The following PTPRN2 variants were observed in gnomAD, a reference collection of about 807,000 sequenced individuals.
The protein encoded by PTPRN2 is protein tyrosine phosphatase receptor type N2.
A neutral mutation model predicts 118.8 loss-of-function variants in PTPRN2; 74 were observed. The observed-to-expected ratio is 0.62, with a 90% confidence interval of 0.52 to 0.76. PTPRN2 has a LOEUF of 0.76. PTPRN2 is among the 30% of genes least tolerant of loss of function. PTPRN2 has a pLI of 0.00. For synonymous variants in PTPRN2, 641 were observed against 608.0 expected, an observed-to-expected ratio of 1.05 and a Z score of -0.80; for missense variants, 1,481 against 1,394.4, an observed-to-expected ratio of 1.06 and a Z score of -0.99.
intron 10 of PTPRN2, among the ~76,000 whole-genome samples, 199 bp from the exon 11 acceptor site, chr7:158,081,576 T>C (rs1222111637): frequency 6.6e-6 from 1 of 152,198 alleles, no homozygotes; most frequent in Non-Finnish European, 1.5e-5. Flanking sequence ...AATTCCGTTT[T>C]TGGGCTTTGC....
rs6945026 is a variant in PTPRN2, at chr7:158,196,728, G to A, written c.381-4233C>T. The stretch of plus-strand genomic sequence containing the variant: ...TGGGGGACTTCAATCCAGTGCCCCC[G>A]ATGCCAGTGGAAAGGCGACTATAGA... On this transcript the variant is annotated intron_variant, in intron 4 of 22. Transcript: ENST00000389418. 9.5e-3 allele frequency among the ~76,000 whole-genome samples: 1,454 copies of A among 152,270 alleles called. 23 individuals carry two copies. Among genetic ancestry groups the A allele is most frequent in the African/African-American group, 0.031 (1,285 of 41,542 alleles).
At chr7:158,502,279 T>A (rs1447282270) in intron 1 of PTPRN2, among the ~76,000 whole-genome samples, 2 of 152,188 alleles carry the variant, frequency 1.3e-5, no homozygotes, top group African/African-American at 4.8e-5. Context: ...CTATAATAAT[T>A]CAATAGTTGT....
chr7:158,196,708 G>A (rs1002914352), intron 4 of PTPRN2, among the ~76,000 whole-genome samples: 2 of 152,186 alleles, frequency 1.3e-5, no homozygotes, highest in African/African-American at 4.8e-5. Context: ...GATCTTGGGG[G>A]ACTTCAATCC....
chr7:158,019,057 C>G (rs948464297), intron 11 of PTPRN2, among the ~76,000 whole-genome samples: 3 of 150,730 alleles, frequency 2.0e-5, no homozygotes, highest in East Asian at 2.0e-4. Flanking sequence ...GAAACTCACT[C>G]TAACGTGACC....
At chr7:158,270,833 TGACCCCCTCACCTGGACCGCCCCC>T (rs1798345974) in intron 3 of PTPRN2, among the ~76,000 whole-genome samples, 2 of 5,934 alleles carry the variant, frequency 3.4e-4, no homozygotes, top group South Asian at 6.7e-3. Context: ...TCCACCTGGA[TGACCCCCTCACCTGGACCGCCCCC>T]CCACCTGGAC....
intron 11 of PTPRN2, among the ~76,000 whole-genome samples, chr7:157,942,215 C>T (rs1800188703): frequency 1.8e-5 from 2 of 109,526 alleles, no homozygotes; most frequent in Non-Finnish European, 3.6e-5. Flanking sequence ...TCGGCCCACC[C>T]TCCACACACG....
chr7:158,326,542 C>A (rs1803538794), intron 2 of PTPRN2, among the ~76,000 whole-genome samples: 1 of 152,240 alleles, frequency 6.6e-6, no homozygotes, highest in African/African-American at 2.4e-5. Context: ...TATGCAGACA[C>A]ACAACCACAT....
intron 16 of PTPRN2, among the ~76,000 whole-genome samples, chr7:157,597,307 T>C (rs1249359204): frequency 6.6e-6 from 1 of 152,226 alleles, no homozygotes; most frequent in Non-Finnish European, 1.5e-5. Flanking sequence ...TTACCGTCGC[T>C]GAAAGCCCCA....
At chr7:157,701,047 A>G (rs1055290345) in intron 12 of PTPRN2, among the ~76,000 whole-genome samples, 2 of 152,266 alleles carry the variant, frequency 1.3e-5, no homozygotes, top group African/African-American at 4.8e-5. Context: ...TCAGCATGAC[A>G]GCAGCGGCTC....
intron 3 of PTPRN2, among the ~76,000 whole-genome samples, chr7:158,215,279 G>A (rs78182602): frequency 6.6e-6 from 1 of 152,184 alleles, no homozygotes; most frequent in Non-Finnish European, 1.5e-5. Context: ...GAAAGAATCA[G>A]TGAAGTGAGG....
chr7:158,270,818 C>CCCCCTCACCTGGACCA (rs1798333346), intron 3 of PTPRN2, among the ~76,000 whole-genome samples: 1 of 9,834 alleles, frequency 1.0e-4, no homozygotes, highest in Non-Finnish European at 2.3e-4. Flanking sequence ...ACCTGGACCG[C>CCCCCTCACCTGGACCA]CCCCTCCACC....
chr7:158,431,515 ACAG>A (rs757256352), intron 2 of PTPRN2, among the ~76,000 whole-genome samples: 1 of 132,136 alleles, frequency 7.6e-6, no homozygotes, highest in Non-Finnish European at 1.6e-5. Flanking sequence ...CACCAGACAC[ACAG>A]CAGGCACACT....
chr7:157,616,301 C>T (rs1205423097), intron 15 of PTPRN2: 3 of 152,378 alleles, frequency 2.0e-5, no homozygotes, highest in African/African-American at 7.2e-5. Context: ...GACAACCCCA[C>T]CGGCACTGTT....
At chr7:157,663,893 T>G (rs1796012933) in intron 13 of PTPRN2, among the ~76,000 whole-genome samples, 1 of 152,228 alleles carries the variant, frequency 6.6e-6, no homozygotes, top group Non-Finnish European at 1.5e-5. Context: ...CTTACTAGAA[T>G]GGAATAAGAA....
intron 12 of PTPRN2, among the ~76,000 whole-genome samples, chr7:157,798,132 G>C (rs978545229): frequency 6.6e-6 from 1 of 152,168 alleles, no homozygotes; most frequent in Non-Finnish European, 1.5e-5. Flanking sequence ...GGTGGCGCAC[G>C]CCTGTAATCC....
intron 11 of PTPRN2, among the ~76,000 whole-genome samples, chr7:157,980,548 C>A (rs149241001): frequency 6.6e-6 from 1 of 152,094 alleles, no homozygotes; most frequent in African/African-American, 2.4e-5. Flanking sequence ...GTCAGGACTT[C>A]GAGACCAGCC....
At chr7:157,720,984 G>A (rs7792857) in intron 12 of PTPRN2, among the ~76,000 whole-genome samples, 93,438 of 152,026 alleles carry the variant, frequency 0.61, 29,200 homozygotes, top group Non-Finnish European at 0.66. Context: ...TGGGGAGGTA[G>A]GTGTGGGGGC....
At position 158,559,090 on chromosome 7, in the gene PTPRN2, T is replaced by C. The variant is rs1401781504; in HGVS notation, c.112+28468A>G. Among the ~76,000 whole-genome samples, 12 of 152,206 alleles carry C rather than the reference T, an allele frequency of 7.9e-5. No homozygotes were observed. The South Asian group carries it at 1.0e-3, about 13-fold the overall frequency. On this transcript the variant is annotated intron_variant, in intron 1 of 22. Coordinates refer to ENST00000389418, the MANE Select transcript of PTPRN2 (RefSeq NM_002847.5). The stretch of plus-strand genomic sequence containing the variant: ...TCCCGACAGAGCAGAGGCCACAAAG[T>C]GATGGTTCTCCCGGAGCCCCCAGCA...
At position 158,360,035 on chromosome 7, in the gene PTPRN2, T is replaced by TCCACCCTCACCCAGGATGACGCACAGAC. The variant is rs1563198417; in HGVS notation, c.164-43104_164-43103insGTCTGTGCGTCATCCTGGGTGAGGGTGG. The stretch of plus-strand genomic sequence containing the variant: ...CTTCCTCACCCAGACAACCCACAGA[T>TCCACCCTCACCCAGGATGACGCACAGAC]CCCAAGTCCACCCACACCCAGGACG... On this transcript the variant is annotated intron_variant, in intron 2 of 22. Transcript: ENST00000389418. 2.9e-4 allele frequency among the ~76,000 whole-genome samples: 25 copies of TCCACCCTCACCCAGGATGACGCACAGAC among 85,276 alleles called. 9 individuals carry two copies. Among genetic ancestry groups the TCCACCCTCACCCAGGATGACGCACAGAC allele is most frequent in the African/African-American group, 4.7e-4 (10 of 21,232 alleles). 55.9% of individuals were successfully genotyped at this position (85,276 alleles called of 152,430 possible). A position where few individuals can be genotyped will look rare whatever the true frequency, so the allele number is the denominator to read the frequency against.
Sources: gnomAD v4.1 joint callset for allele counts (sites outside exome capture counted in the v4.1 genomes callset) on GRCh38, gnomAD v4.1.1 for gene constraint, MANE v1.5 for transcripts, NCBI Gene and HGNC (gene_info 2026-07-23, HGNC 2026-07-21) for gene names.